The following TAFA2 variants were observed in gnomAD, a reference collection of about 807,000 sequenced individuals.
The protein encoded by TAFA2 is TAFA chemokine like family member 2.
In TAFA2, 7 loss-of-function variants were observed where a neutral mutation model predicts 18.8. The ratio of observed to expected loss-of-function variants is 0.37; its 90% CI spans 0.21 to 0.70. The LOEUF (loss-of-function observed/expected upper bound fraction) is 0.70. Among genes scored for constraint, TAFA2 ranks in the 30% least tolerant of loss-of-function variants. TAFA2 has a pLI of 0.53. For synonymous variants in TAFA2, 60 were observed against 54.2 expected (o/e 1.11, Z -0.47); for missense variants, 122 against 158.1 (o/e 0.77, Z 1.23).
chr12:61,771,084 G>A (rs182568368), intron 2 of TAFA2, among the ~76,000 whole-genome samples: 24 of 152,084 alleles, frequency 1.6e-4, no homozygotes, highest in African/African-American at 5.5e-4. Context: ...CAAAAGTGAA[G>A]AGGAGTAGTT....
At chr12:61,712,580 T>C (rs955063327) in intron 4 of TAFA2, among the ~76,000 whole-genome samples, 2 of 152,122 alleles carry the variant, frequency 1.3e-5, no homozygotes, top group African/African-American at 4.8e-5. Context: ...TGATGATATC[T>C]TTCTATCAGC....
At chr12:62,232,803 C>A (rs1462483050) in intron 1 of TAFA2, among the ~76,000 whole-genome samples, 2 of 151,932 alleles carry the variant, frequency 1.3e-5, no homozygotes, top group South Asian at 4.2e-4. Flanking sequence ...TGAGCCACCA[C>A]ACGCAGCTGA....
chr12:62,138,687 A>T (rs376499635), intron 1 of TAFA2, among the ~76,000 whole-genome samples: 1 of 152,208 alleles, frequency 6.6e-6, no homozygotes, highest in Non-Finnish European at 1.5e-5. Flanking sequence ...ACTCCACTGC[A>T]CGCCAATTAA....
intron 2 of TAFA2, among the ~76,000 whole-genome samples, chr12:61,784,133 G>T (rs1870625259): frequency 6.6e-6 from 1 of 151,626 alleles, no homozygotes; most frequent in African/African-American, 2.4e-5. Flanking sequence ...AATACTGGAA[G>T]AAGAAAGGAT....
chr12:62,145,406 C>T (rs1002600653), intron 1 of TAFA2, among the ~76,000 whole-genome samples: 1 of 152,224 alleles, frequency 6.6e-6, no homozygotes, highest in African/African-American at 2.4e-5. Context: ...TAACTAATGC[C>T]TGATGATGTG....
chr12:62,093,064 G>A (rs886816054), intron 1 of TAFA2, among the ~76,000 whole-genome samples: 1 of 151,918 alleles, frequency 6.6e-6, no homozygotes, highest in East Asian at 1.9e-4. Context: ...GTCTATTTAT[G>A]GATTTTTATA....
intron 1 of TAFA2, among the ~76,000 whole-genome samples, chr12:62,154,853 T>C (rs1331763004): frequency 6.6e-6 from 1 of 152,200 alleles, no homozygotes; most frequent in South Asian, 2.1e-4. Context: ...TAAAAACATA[T>C]GTGATTCACA....
chr12:61,710,061 A>T lies in TAFA2; in HGVS notation c.*345T>A, dbSNP rs1251357473. The T allele has an allele frequency of 3.7e-6, 1 of 270,176 alleles. No individual in the cohort carries two copies. The highest frequency in any genetic ancestry group is 7.0e-6 in the Non-Finnish European group (1 of 142,726). The allele number at this position is 270,176 out of a possible 1,614,324, so 16.7% of individuals were successfully genotyped here. ...GGATACAGCTTGCAGAAACAAGAAA[A>T]GTAGTCACATCTGGAGCCAATAACT... On this transcript the variant is annotated 3_prime_UTR_variant, in exon 5 of 5. Coordinates refer to ENST00000416284, the MANE Select transcript of TAFA2 (RefSeq NM_178539.5).
chr12:62,212,728 T>A (rs1487432285), intron 1 of TAFA2, among the ~76,000 whole-genome samples: 1 of 152,240 alleles, frequency 6.6e-6, no homozygotes, highest in Non-Finnish European at 1.5e-5. Context: ...AAAATCCTCT[T>A]TTTTATTCAT....
chr12:61,888,172 C>T (rs996665274), intron 1 of TAFA2, among the ~76,000 whole-genome samples: 15 of 152,190 alleles, frequency 9.9e-5, no homozygotes, highest in Admixed American at 2.6e-4. Context: ...GTCAATGTGG[C>T]GATTCCTCAG....
chr12:62,042,046 A>C (rs139966431), intron 1 of TAFA2, among the ~76,000 whole-genome samples: 1,947 of 152,182 alleles, frequency 0.013, 21 homozygotes, highest in Non-Finnish European at 0.02. Context: ...TGGTCTTAAT[A>C]CTGTATATTA....
intron 2 of TAFA2, among the ~76,000 whole-genome samples, chr12:61,843,079 G>C (rs565564861): frequency 3.0e-4 from 46 of 152,106 alleles, no homozygotes; most frequent in African/African-American, 1.0e-3. Context: ...TAGCTACCTT[G>C]GGTCTCAGAA....
chr12:62,000,856 C>T (rs1880353813), intron 1 of TAFA2, among the ~76,000 whole-genome samples: 1 of 152,058 alleles, frequency 6.6e-6, no homozygotes. Flanking sequence ...ATATAAAGGT[C>T]CAAAGCAGGT....
intron 4 of TAFA2, among the ~76,000 whole-genome samples, chr12:61,717,292 C>T (rs531571999): frequency 3.3e-5 from 5 of 152,246 alleles, no homozygotes; most frequent in East Asian, 3.9e-4. Flanking sequence ...GGGATATTCA[C>T]GCATGAGCAA....
At chr12:62,088,904 C>T (rs574568367) in intron 1 of TAFA2, among the ~76,000 whole-genome samples, 1 of 132,872 alleles carries the variant, frequency 7.5e-6, no homozygotes, top group African/African-American at 2.5e-5. Context: ...CTCTCTCTCT[C>T]TATCTCTGTG....
rs150721180 is a variant in TAFA2 at position 62,025,026 on chromosome 12, C to T, written c.-1-157600G>A. 3.4e-3 allele frequency among the ~76,000 whole-genome samples: 524 copies of T among 152,240 alleles called. 5 individuals carry two copies. The highest frequency in any genetic ancestry group is 2.7e-3 in the Non-Finnish European group (183 of 67,996). ...TGGTGGGTATGTAAATTAATTCAGC[C>T]ATTGTGGAAAGTAGTTTGATTTCTC... On this transcript the variant is annotated intron_variant, in intron 1 of 4. Transcript: ENST00000416284.
intron 2 of TAFA2, among the ~76,000 whole-genome samples, chr12:61,786,519 C>T (rs1347680877): frequency 2.0e-5 from 3 of 151,608 alleles, no homozygotes; most frequent in African/African-American, 7.3e-5. Flanking sequence ...AGAATTCACA[C>T]ACATTAGCAT....
intron 2 of TAFA2, among the ~76,000 whole-genome samples, chr12:61,861,542 A>G (rs1005488006): frequency 1.3e-4 from 20 of 152,134 alleles, no homozygotes; most frequent in African/African-American, 4.6e-4. Flanking sequence ...GGAGTAAGCC[A>G]TTGTGCCCAG....
At chr12:61,807,000 T>A (rs147567466) in intron 2 of TAFA2, among the ~76,000 whole-genome samples, 189 of 152,288 alleles carry the variant, frequency 1.2e-3, no homozygotes, top group Middle Eastern at 6.8e-3. Flanking sequence ...GAAAATCCCA[T>A]TCTCTGAGGA....
Sources: gnomAD v4.1 joint callset for allele counts (sites outside exome capture counted in the v4.1 genomes callset) on GRCh38, gnomAD v4.1.1 for gene constraint, MANE v1.5 for transcripts, NCBI Gene and HGNC (gene_info 2026-07-23, HGNC 2026-07-21) for gene names.